The following SYNCRIP variants were observed in gnomAD, a reference collection of about 807,000 sequenced individuals.
SYNCRIP encodes heterogeneous nuclear ribonucleoprotein Q.
In SYNCRIP, 9 loss-of-function variants were observed where a neutral mutation model predicts 68.9. The ratio of observed to expected loss-of-function variants is 0.13; its 90% CI spans 0.08 to 0.23. SYNCRIP has a LOEUF of 0.23. Ranked by LOEUF, SYNCRIP falls within the 10% of genes least tolerant of loss-of-function variation. SYNCRIP has a pLI of 1.00. For missense variants in SYNCRIP, 414 were observed against 770.6 expected, an observed-to-expected ratio of 0.54 and a Z score of 5.48; for synonymous variants, 258 against 254.0, an observed-to-expected ratio of 1.02 and a Z score of -0.15.
intron 6 of SYNCRIP, among the ~76,000 whole-genome samples, chr6:85,630,519 C>T (rs13202606): frequency 0.033 from 4,978 of 152,290 alleles, 142 homozygotes; most frequent in South Asian, 0.17. Flanking sequence ...CCAATTCCAG[C>T]AACATACCAC....
chr6:85,638,451 T>C (rs932196038), intron 4 of SYNCRIP, among the ~76,000 whole-genome samples: 9 of 145,192 alleles, frequency 6.2e-5, no homozygotes, highest in Non-Finnish European at 1.4e-4. Flanking sequence ...TCAAGAATTA[T>C]TCCCCTTCTC....
intron 6 of SYNCRIP, among the ~76,000 whole-genome samples, chr6:85,630,322 C>T (rs1255016891): frequency 7.9e-5 from 12 of 152,234 alleles, no homozygotes; most frequent in Non-Finnish European, 1.5e-4. Flanking sequence ...GATCGTGCCA[C>T]TGCACTCCAG....
In SYNCRIP at chr6:85,623,243, T is replaced by A. The variant is rs187260180; in HGVS notation, c.803-556A>T. Among the ~76,000 whole-genome samples the A allele has an allele frequency of 3.6e-4, 54 of 152,102 alleles. No individual in the cohort carries two copies. In the East Asian group the frequency reaches 7.2e-3, roughly 20 times the overall value. On this transcript the variant is annotated intron_variant, in intron 7 of 10. Transcript: ENST00000369622. ...TTAAAAGTTGTTACAGTTCAAAAAA[T>A]TTTTTTACCATGTTGACAATATATA...
chr6:85,640,900 T>C (rs942856076), intron 2 of SYNCRIP, among the ~76,000 whole-genome samples: 1 of 152,132 alleles, frequency 6.6e-6, no homozygotes, highest in African/African-American at 2.4e-5. Context: ...GAACCTCTAC[T>C]CAATTTCAAA....
At chr6:85,628,604 C>G (rs1807338377) in intron 6 of SYNCRIP, among the ~76,000 whole-genome samples, 1 of 152,168 alleles carries the variant, frequency 6.6e-6, no homozygotes, top group Non-Finnish European at 1.5e-5. Context: ...CAGACTGAAA[C>G]AGGAGTCTAG....
At chr6:85,633,212 C>T (rs1808026945) in intron 6 of SYNCRIP, among the ~76,000 whole-genome samples, 2 of 150,916 alleles carry the variant, frequency 1.3e-5, no homozygotes, top group East Asian at 2.0e-4. Context: ...GCCGAGATTG[C>T]ACCACTGCAC....
In SYNCRIP at chr6:85,640,290, G is replaced by A. The variant is rs765191158; in HGVS notation, c.306C>T (p.Tyr102=). ...TGGTCCCTTGTTTTTCTCTCTGCCTGTAAGTCTTCATGACTCCACATAAAA... is the reference window on the plus strand; with the variant it reads ...TGGTCCCTTGTTTTTCTCTCTGCCTATAAGTCTTCATGACTCCACATAAAA... The part of the protein sequence containing the change: ...SAFLCGVMKT[Y]RQREKQGTKV... The change falls in exon 4 of 11, where the codon TAC becomes TAT. Residue 102 remains tyrosine, a synonymous_variant. Transcript: ENST00000369622. The A allele has an allele frequency of 3.1e-6, 5 of 1,613,722 alleles. No homozygotes were observed. The South Asian group carries it at 5.5e-5, about 18-fold the overall frequency.
chr6:85,624,862 TAGTTAA>T (rs1320117947), intron 6 of SYNCRIP, among the ~76,000 whole-genome samples: 1 of 152,212 alleles, frequency 6.6e-6, no homozygotes, highest in Non-Finnish European at 1.5e-5. Context: ...TTATATGGGT[TAGTTAA>T]AACCACACCT....
At position 85,624,230 on chromosome 6, in the gene SYNCRIP, A is replaced by T; in HGVS notation, c.667-118T>A. The T allele has an allele frequency of 4.2e-6, 4 of 947,086 alleles. No individual in the cohort carries two copies. The South Asian group carries it at 6.7e-5, about 16-fold the overall frequency. 58.7% of individuals were successfully genotyped at this position (947,086 alleles called of 1,614,324 possible). On this transcript the variant is annotated intron_variant, in intron 6 of 10. Transcript: ENST00000369622. ...AAAAGTAGTTTACCTTAATTCCCAT[A>T]CAAGGGAATTATGAGGAACAGATTA...
chr6:85,639,882 CA>C (rs1808926448), intron 4 of SYNCRIP, among the ~76,000 whole-genome samples: 3 of 152,022 alleles, frequency 2.0e-5, no homozygotes, highest in African/African-American at 7.2e-5. Flanking sequence ...AAAAAAAAGC[CA>C]GTTGCCAAAT....
At chr6:85,625,204 T>G (rs1806896707) in intron 6 of SYNCRIP, among the ~76,000 whole-genome samples, 2 of 152,162 alleles carry the variant, frequency 1.3e-5, no homozygotes, top group African/African-American at 4.8e-5. Flanking sequence ...TATTGCTTTC[T>G]ACCCCACTAT....
At chr6:85,621,816 C>A (rs1481909063) in intron 8 of SYNCRIP, among the ~76,000 whole-genome samples, 1 of 152,082 alleles carries the variant, frequency 6.6e-6, no homozygotes, top group Non-Finnish European at 1.5e-5. Context: ...AGTAGTAAGA[C>A]TTTTAACCCC....
Position 85,622,651 on chromosome 6 carries a change from T to G in SYNCRIP, c.839A>C (p.Asp280Ala). ...AAAGCCTCTGTTTTTTTTCTTGTCA[T>G]CCGGTTGGTGGTATAAAATGACGTC... Reference protein sequence around the residue: ...LTDVILYHQPDDKKKNRGFCF... With the variant: ...LTDVILYHQPADKKKNRGFCF... Residue 280 changes from aspartate to alanine, a missense_variant, in exon 8 of 11, where the codon GAT becomes GCT. By Grantham distance (126) the Asp-to-Ala change is moderately radical. Transcript: ENST00000369622. 6.2e-7 allele frequency: 1 copy of G among 1,614,194 alleles called. No individual in the cohort carries two copies. Among genetic ancestry groups the G allele is most frequent in the East Asian group, 2.2e-5 (1 of 44,886 alleles).
At position 85,638,380 on chromosome 6, in the gene SYNCRIP, C is replaced by CAAAAAAAAAA. The variant is rs71003001; in HGVS notation, c.376-1034_376-1025dup. Among the ~76,000 whole-genome samples, 191 of 42,862 alleles carry CAAAAAAAAAA rather than the reference C, an allele frequency of 4.5e-3. 15 individuals carry two copies. Among genetic ancestry groups the CAAAAAAAAAA allele is most frequent in the South Asian group, 8.2e-3 (5 of 612 alleles). 28.1% of individuals were successfully genotyped at this position (42,862 alleles called of 152,430 possible). The stretch of plus-strand genomic sequence containing the variant: ...TGGATGACAGAGCAAGACCCCATCT[C>CAAAAAAAAAA]AAAAAAAAAAAAAAAAAAAAAAAAA... On this transcript the variant is annotated intron_variant, in intron 4 of 10. Coordinates refer to ENST00000369622, the MANE Select transcript of SYNCRIP (RefSeq NM_006372.5).
intron 6 of SYNCRIP, among the ~76,000 whole-genome samples, chr6:85,627,882 C>T (rs868537108): frequency 3.9e-5 from 6 of 152,156 alleles, no homozygotes; most frequent in Admixed American, 2.0e-4. Context: ...CAGTCTGGAA[C>T]GTTCCTGTCA....
downstream of SYNCRIP, chr6:85,609,046 GTTTCT>G (rs1418687342): frequency 4.0e-5 from 6 of 151,808 alleles, no homozygotes; most frequent in Admixed American, 1.3e-4. Context: ...CCACAAGTCT[GTTTCT>G]TTTATGTATT....
chr6:85,609,745 T>C, downstream of SYNCRIP: 1 of 151,992 alleles, frequency 6.6e-6, no homozygotes, highest in Non-Finnish European at 1.5e-5. Flanking sequence ...AAATCTTGCG[T>C]CTGTTTTGGT....
downstream of SYNCRIP, chr6:85,607,831 A>C (rs1032651028): frequency 3.3e-5 from 5 of 152,094 alleles, no homozygotes; most frequent in Non-Finnish European, 5.9e-5. Flanking sequence ...TCAAAGTCAA[A>C]CTTCCAGGAC....
At chr6:85,628,196 C>A (rs1291506266) in intron 6 of SYNCRIP, among the ~76,000 whole-genome samples, 1 of 152,174 alleles carries the variant, frequency 6.6e-6, no homozygotes, top group African/African-American at 2.4e-5. Context: ...GCTGGGACCA[C>A]AGGCGTGTGC....
Sources: allele counts gnomAD v4.1 joint callset (sites outside exome capture counted in the v4.1 genomes callset), GRCh38; gene constraint gnomAD v4.1.1; transcripts MANE v1.5; gene names NCBI Gene and HGNC (gene_info 2026-07-23, HGNC 2026-07-21).